Variants in STOX1 observed in about 807,000 individuals in gnomAD.
The protein encoded by STOX1 is storkhead-box protein 1.
STOX1 carries 57 observed loss-of-function variants against 74.8 expected under a neutral mutation model. The observed-to-expected ratio is 0.76, with a 90% CI of 0.62 to 0.95. STOX1 has a LOEUF of 0.95. STOX1 is among the 40% of genes least tolerant of loss of function. The pLI is 0.00. For missense variants in STOX1, 1,010 were observed against 1,117.0 expected (o/e 0.90, Z 1.37); for synonymous variants, 375 against 401.3 (o/e 0.93, Z 0.78).
chr10:68,856,808 A>G (rs1047548153), intron 1 of STOX1, among the ~76,000 whole-genome samples: 2 of 152,060 alleles, frequency 1.3e-5, no homozygotes, highest in African/African-American at 4.8e-5. Flanking sequence ...GCTCATCTCT[A>G]AGAATTTCCA....
At chr10:68,860,269 G>C (rs1207846317) in intron 1 of STOX1, among the ~76,000 whole-genome samples, 2 of 150,838 alleles carry the variant, frequency 1.3e-5, no homozygotes, top group Non-Finnish European at 3.0e-5. Context: ...CTCTGTCTCG[G>C]TGGGGGAAAG....
chr10:68,841,604 G>A (rs968801755), intron 1 of STOX1, among the ~76,000 whole-genome samples: 3 of 152,084 alleles, frequency 2.0e-5, no homozygotes, highest in Non-Finnish European at 2.9e-5. Flanking sequence ...TTGTTCTAGG[G>A]TACAGAAACA....
chr10:68,893,947 C>T (rs1172761904), downstream of STOX1, among the ~76,000 whole-genome samples: 1 of 152,070 alleles, frequency 6.6e-6, no homozygotes, highest in Non-Finnish European at 1.5e-5. Context: ...TTTTTCAGAC[C>T]AAGTAGTAGA....
intron 1 of STOX1, among the ~76,000 whole-genome samples, chr10:68,854,305 CTT>C (rs1441390792): frequency 6.6e-6 from 1 of 150,418 alleles, no homozygotes; most frequent in Admixed American, 6.6e-5. Context: ...CGTTTTTTGT[CTT>C]TTGAGACAAG....
chr10:68,873,647 T>C (rs543787256), intron 1 of STOX1, among the ~76,000 whole-genome samples: 53 of 143,772 alleles, frequency 3.7e-4, no homozygotes, highest in African/African-American at 1.3e-3. Flanking sequence ...TCTTCTTTTT[T>C]TTTCTTTTTT....
chr10:68,879,424 CAGAT>C (rs1272731192), intron 1 of STOX1, among the ~76,000 whole-genome samples: 2 of 152,252 alleles, frequency 1.3e-5, no homozygotes, highest in East Asian at 1.9e-4. Context: ...TCTCAAGTCT[CAGAT>C]AGAGTAGCAT....
intron 1 of STOX1, among the ~76,000 whole-genome samples, chr10:68,858,130 A>G (rs1366000017): frequency 6.6e-6 from 1 of 152,138 alleles, no homozygotes. Flanking sequence ...TAGCCTGTGC[A>G]GATGGACCTC....
At chr10:68,846,118 T>TG (rs1225451032) in intron 1 of STOX1, among the ~76,000 whole-genome samples, 1 of 89,388 alleles carries the variant, frequency 1.1e-5, no homozygotes, top group African/African-American at 3.6e-5. Flanking sequence ...GGCTTGAGGT[T>TG]TTTATTATTA....
rs542881382 is a variant in STOX1, at chr10:68,878,023, G to A, written c.311-3935G>A. Among the ~76,000 whole-genome samples, 88 of 152,246 alleles carry A rather than the reference G, an allele frequency of 5.8e-4. 1 individual carries two copies. Among genetic ancestry groups the A allele is most frequent in the African/African-American group, 6.3e-4 (26 of 41,530 alleles). On this transcript the variant is annotated intron_variant, in intron 1 of 3. Coordinates refer to ENST00000298596, the MANE Select transcript of STOX1 (RefSeq NM_152709.5). Reference sequence around the variant, plus strand: ...GCTGTCCTTAGAAACAAGATAGGAGGATAGGAAAAGGCCAGAAAAAACCTC... The same window carrying A: ...GCTGTCCTTAGAAACAAGATAGGAGAATAGGAAAAGGCCAGAAAAAACCTC...
In STOX1 at chr10:68,884,542, A is replaced by G; in HGVS notation, c.746A>G (p.Asp249Gly). 6.2e-7 allele frequency: 1 copy of G among 1,613,818 alleles called. No individual in the cohort carries two copies. The highest frequency in any genetic ancestry group is 8.5e-7 in the Non-Finnish European group (1 of 1,180,038). Reference protein sequence around the residue: ...SHCQSCQCFRDMHTQDVQEAP... With the variant: ...SHCQSCQCFRGMHTQDVQEAP... ...TGTCAGTCTTGCCAGTGTTTCCGGG[A>G]CATGCACACTCAGGATGTTCAGGAA... is the stretch of plus-strand genomic sequence containing the variant. The change falls in exon 3 of 4, where the codon GAC (aspartate) becomes GGC (glycine). Residue 249 changes from aspartate (D) to glycine (G), a missense_variant. Physicochemically the swap from Asp to Gly is moderately conservative, Grantham distance 94. Transcript: ENST00000298596.
At chr10:68,894,724 TAAC>T (rs1041244942), downstream of STOX1, among the ~76,000 whole-genome samples, 5 of 152,186 alleles carry the variant, frequency 3.3e-5, no homozygotes, top group African/African-American at 9.6e-5. Flanking sequence ...AGAAGTATTT[TAAC>T]AACGAAAAAA....
intron 1 of STOX1, among the ~76,000 whole-genome samples, chr10:68,871,101 C>G (rs1044792909): frequency 6.6e-6 from 1 of 150,620 alleles, no homozygotes; most frequent in African/African-American, 2.4e-5. Flanking sequence ...AAGGGCACTT[C>G]AGAGCCTAAG....
At position 68,827,560 on chromosome 10, in the gene STOX1, C is replaced by CGG; in HGVS notation, c.-63_-62dup. ...TCGGCCGATCCTCCCGCCGAGCGAG[C>CGG]GGCGTCGTAGCCGCCGCGCTCGCCG... On this transcript the variant is annotated 5_prime_UTR_variant, in exon 1 of 4. Transcript: ENST00000298596. The CGG allele has an allele frequency of 9.7e-7, 1 of 1,034,222 alleles. No homozygotes were observed. The highest frequency in any genetic ancestry group is 1.2e-6 in the Non-Finnish European group (1 of 845,048). 64.1% of individuals were successfully genotyped at this position (1,034,222 alleles called of 1,614,324 possible).
At chr10:68,854,195 A>G (rs1840063240) in intron 1 of STOX1, among the ~76,000 whole-genome samples, 1 of 151,484 alleles carries the variant, frequency 6.6e-6, no homozygotes, top group African/African-American at 2.4e-5. Flanking sequence ...GAGTTTCACC[A>G]TGTTGGTCAG....
chr10:68,885,674 C>A lies in STOX1; in HGVS notation c.1878C>A (p.Ser626=). 8 of 1,614,028 alleles carry A rather than the reference C, an allele frequency of 5.0e-6. No individual in the cohort carries two copies. The highest frequency in any genetic ancestry group is 6.8e-6 in the Non-Finnish European group (8 of 1,180,020). The change falls in exon 3 of 4, where the codon TCC becomes TCA. Residue 626 remains serine, a synonymous_variant. Coordinates refer to ENST00000298596, the MANE Select transcript of STOX1 (RefSeq NM_152709.5). ...VIPEVLRKSH[S]HFDKLGETKQ... ...CTGAAGTCTTGAGGAAAAGTCATTC[C>A]CACTTTGACAAATTAGGGGAGACCA...
intron 1 of STOX1, among the ~76,000 whole-genome samples, chr10:68,873,649 T>C (rs1372584731): frequency 2.8e-5 from 4 of 144,166 alleles, no homozygotes; most frequent in Non-Finnish European, 6.1e-5. Context: ...TTCTTTTTTT[T>C]TCTTTTTTTT....
At chr10:68,859,024 C>T (rs1442886372) in intron 1 of STOX1, among the ~76,000 whole-genome samples, 1 of 152,114 alleles carries the variant, frequency 6.6e-6, no homozygotes, top group Non-Finnish European at 1.5e-5. Context: ...ACCCTGCCCA[C>T]AGAGACCTGG....
chr10:68,848,837 T>A (rs1202655342), intron 1 of STOX1, among the ~76,000 whole-genome samples: 6 of 151,840 alleles, frequency 4.0e-5, no homozygotes, highest in East Asian at 3.9e-4. Context: ...GCTAATTTTT[T>A]AAAAAATTTT....
chr10:68,838,356 G>T (rs1839612369), intron 1 of STOX1, among the ~76,000 whole-genome samples: 1 of 152,016 alleles, frequency 6.6e-6, no homozygotes, highest in African/African-American at 2.4e-5. Flanking sequence ...CGTGAGCTAG[G>T]ACTGTTTTCT....
Sources: allele counts gnomAD v4.1 joint callset (sites outside exome capture counted in the v4.1 genomes callset), GRCh38; gene constraint gnomAD v4.1.1; transcripts MANE v1.5; gene names NCBI Gene and HGNC (gene_info 2026-07-23, HGNC 2026-07-21).